The following FAM114A1 variants were observed in gnomAD, a reference collection of about 807,000 sequenced individuals.
FAM114A1 encodes family with sequence similarity 114 member A1.
FAM114A1 carries 62 observed loss-of-function variants against 64.3 expected under a neutral mutation model. That is an observed-to-expected ratio of 0.96 (90% CI 0.79 to 1.19). FAM114A1 has a LOEUF of 1.19. Ranked by LOEUF, FAM114A1 falls within the 50% of genes most tolerant of loss-of-function variation. FAM114A1 has a pLI of 0.00. For missense variants in FAM114A1, 645 were observed against 676.3 expected (o/e 0.95, Z 0.51); for synonymous variants, 254 against 251.1 (o/e 1.01, Z -0.11).
At chr4:38,891,189 G>C (rs112546880) in intron 3 of FAM114A1, among the ~76,000 whole-genome samples, 1,938 of 152,190 alleles carry the variant, frequency 0.013, 44 homozygotes, top group African/African-American at 0.043. Context: ...AGTGAAGCAG[G>C]GCACCTTGAA....
chr4:38,885,066 C>G (rs985339810), intron 3 of FAM114A1, among the ~76,000 whole-genome samples: 7 of 151,704 alleles, frequency 4.6e-5, no homozygotes, highest in Non-Finnish European at 7.4e-5. Context: ...CCTCTGCCTC[C>G]CAGATTCAAG....
intron 3 of FAM114A1, among the ~76,000 whole-genome samples, chr4:38,884,406 C>T (rs1400731016): frequency 6.6e-6 from 1 of 152,192 alleles, no homozygotes; most frequent in Non-Finnish European, 1.5e-5. Context: ...GTGGTTATTT[C>T]AGTAATGGAA....
chr4:38,918,269 CA>C (rs1468135042), intron 8 of FAM114A1, among the ~76,000 whole-genome samples: 2 of 152,036 alleles, frequency 1.3e-5, no homozygotes, highest in African/African-American at 4.8e-5. Flanking sequence ...ATGTATGGGT[CA>C]AAAACAGTAA....
intron 8 of FAM114A1, among the ~76,000 whole-genome samples, chr4:38,920,647 C>A (rs1349088229): frequency 6.6e-6 from 1 of 152,200 alleles, no homozygotes; most frequent in African/African-American, 2.4e-5. Context: ...CACAAATGTT[C>A]CACAGGTCTG....
chr4:38,897,718 CA>C (rs200536518), intron 4 of FAM114A1, among the ~76,000 whole-genome samples: 2,399 of 151,818 alleles, frequency 0.016, 80 homozygotes, highest in African/African-American at 0.054. Context: ...GCAGGTAAAT[CA>C]ACTTGAGGTC....
chr4:38,937,895 C>T lies in FAM114A1; in HGVS notation c.1536+2105C>T, dbSNP rs191344988. Among the ~76,000 whole-genome samples, 7 of 152,210 alleles carry T rather than the reference C, an allele frequency of 4.6e-5. No individual in the cohort carries two copies. In the East Asian group the frequency reaches 1.4e-3, roughly 29 times the overall value. Reference sequence around the variant, plus strand: ...GATTACAGGTGCGGGCCACCACTCCCAGCTAATTTTTTTGTATTTTTAGTA... The same window carrying T: ...GATTACAGGTGCGGGCCACCACTCCTAGCTAATTTTTTTGTATTTTTAGTA... On this transcript the variant is annotated intron_variant, in intron 13 of 14. Transcript: ENST00000358869.
chr4:38,945,124 A>G lies in FAM114A1; in HGVS notation c.*1567A>G, dbSNP rs1040729615. The G allele has an allele frequency of 6.6e-6, 1 of 152,236 alleles. No individual in the cohort carries two copies. The highest frequency in any genetic ancestry group is 1.5e-5 in the Non-Finnish European group (1 of 68,032). 9.4% of individuals were successfully genotyped at this position (152,236 alleles called of 1,614,324 possible). The stretch of plus-strand genomic sequence containing the variant: ...ACGATCACGAGCACATGGTGGCATA[A>G]TTACAAAGCTTGGAAGTATTCAAAT... On this transcript the variant is annotated 3_prime_UTR_variant, in exon 15 of 15. Transcript: ENST00000358869.
rs549683998 is a variant in FAM114A1, at chr4:38,935,747, C to G, written c.1493C>G (p.Ala498Gly). The change falls in exon 13 of 15, where the codon GCC becomes GGC. Residue 498 changes from alanine (A) to glycine (G), a missense_variant. By Grantham distance (60) the Ala-to-Gly change is moderately conservative. Coordinates refer to ENST00000358869, the MANE Select transcript of FAM114A1 (RefSeq NM_138389.4). ...ACTACTGCAATGTGCAATGAAGTGGCCTCTTTATCAAAGAAGTTTACGAAT... is the reference window on the plus strand; with the variant it reads ...ACTACTGCAATGTGCAATGAAGTGGGCTCTTTATCAAAGAAGTTTACGAAT... The part of the protein sequence containing the change: ...KLTTAMCNEV[A>G]SLSKKFTNSL... 19 of 1,611,620 alleles carry G rather than the reference C, an allele frequency of 1.2e-5. No homozygotes were observed. The highest frequency in any genetic ancestry group is 1.4e-5 in the Non-Finnish European group (17 of 1,178,524).
At chr4:38,893,104 G>T (rs1456521940) in intron 4 of FAM114A1, among the ~76,000 whole-genome samples, 1 of 152,222 alleles carries the variant, frequency 6.6e-6, no homozygotes. Context: ...AAGTAGAGGC[G>T]CCTGTTTTGT....
Position 38,933,059 on chromosome 4 carries a change from G to A in FAM114A1, c.1463+685G>A, listed in dbSNP as rs551922593. ...AGTAGAGACGGGTTTTCACCATGTTGGCCAGGATGGTCTCCATCTCTTGAC... is the reference window on the plus strand; with the variant it reads ...AGTAGAGACGGGTTTTCACCATGTTAGCCAGGATGGTCTCCATCTCTTGAC... On this transcript the variant is annotated intron_variant, in intron 12 of 14. Coordinates refer to ENST00000358869, the MANE Select transcript of FAM114A1 (RefSeq NM_138389.4). Among the ~76,000 whole-genome samples, 3 of 152,024 alleles carry A rather than the reference G, an allele frequency of 2.0e-5. No individual in the cohort carries two copies. In the South Asian group the frequency reaches 6.3e-4, roughly 32 times the overall value.
intron 4 of FAM114A1, among the ~76,000 whole-genome samples, chr4:38,898,321 C>T (rs905225120): frequency 1.3e-5 from 2 of 152,228 alleles, no homozygotes; most frequent in Non-Finnish European, 2.9e-5. Flanking sequence ...TACTCATCCT[C>T]TCCCAAGGTA....
At chr4:38,922,243 T>A (rs778243203) in intron 8 of FAM114A1, among the ~76,000 whole-genome samples, 10 of 152,164 alleles carry the variant, frequency 6.6e-5, no homozygotes, top group Non-Finnish European at 1.0e-4. Context: ...TCTGGCCGTA[T>A]GCATGTATAT....
intron 4 of FAM114A1, among the ~76,000 whole-genome samples, chr4:38,896,852 A>C (rs1398148996): frequency 6.6e-6 from 1 of 152,238 alleles, no homozygotes; most frequent in Non-Finnish European, 1.5e-5. Context: ...AAGTAAGGAA[A>C]GAAAATAACC....
At chr4:38,877,828 G>A (rs995119255) in intron 2 of FAM114A1, among the ~76,000 whole-genome samples, 9 of 152,092 alleles carry the variant, frequency 5.9e-5, no homozygotes, top group East Asian at 5.8e-4. Context: ...GCCAGGCGTC[G>A]TGGCACATGC....
intron 11 of FAM114A1, 41 bp from the exon 12 acceptor site, chr4:38,932,194 T>A (rs762278664): frequency 6.4e-7 from 1 of 1,562,368 alleles, no homozygotes; most frequent in South Asian, 1.2e-5. Flanking sequence ...AAAAAGCATC[T>A]GCTCAGTAAA....
Position 38,908,653 on chromosome 4 carries a change from A to G in FAM114A1, c.719A>G (p.Asn240Ser). 1 of 1,613,578 alleles carries G rather than the reference A, an allele frequency of 6.2e-7. No individual in the cohort carries two copies. The highest frequency in any genetic ancestry group is 8.5e-7 in the Non-Finnish European group (1 of 1,179,588). ...GAATTCATCGGCAAGAAAACCATGA[A>G]TGTCCTTGCAGAAAGTGACCCGGGC... ...ALEFIGKKTM[N>S]VLAESDPGFK... Residue 240 changes from asparagine (N) to serine (S), a missense_variant, in exon 7 of 15, where the codon AAT (asparagine) becomes AGT (serine). Physicochemically the swap from Asn to Ser is conservative, Grantham distance 46 (BLOSUM62 1). Transcript: ENST00000358869.
chr4:38,900,947 CAA>C (rs11330779), intron 4 of FAM114A1, among the ~76,000 whole-genome samples: 26 of 140,468 alleles, frequency 1.9e-4, no homozygotes, highest in East Asian at 1.3e-3. Context: ...CATTTTACCA[CAA>C]AAAAAAAATG....
chr4:38,888,828 C>T (rs1236192859), intron 3 of FAM114A1, among the ~76,000 whole-genome samples: 1 of 152,172 alleles, frequency 6.6e-6, no homozygotes, highest in African/African-American at 2.4e-5. Context: ...ATCTGAGCAG[C>T]TCCATGCTGC....
intron 3 of FAM114A1, among the ~76,000 whole-genome samples, chr4:38,883,031 A>G (rs1301827662): frequency 6.6e-6 from 1 of 152,208 alleles, no homozygotes; most frequent in Non-Finnish European, 1.5e-5. Context: ...CTCAGAAGCC[A>G]TTGAATTGAG....
Sources: gnomAD v4.1 joint callset for allele counts (sites outside exome capture counted in the v4.1 genomes callset) on GRCh38, gnomAD v4.1.1 for gene constraint, MANE v1.5 for transcripts, NCBI Gene and HGNC (gene_info 2026-07-23, HGNC 2026-07-21) for gene names.